The following TDRD3 variants were observed in gnomAD, a reference collection of about 807,000 sequenced individuals.
TDRD3 encodes the protein tudor domain-containing protein 3.
Under a neutral mutation model 86.7 loss-of-function variants are expected in TDRD3, and 45 were observed. That is an observed-to-expected ratio of 0.52 (90% CI 0.41 to 0.67). The LOEUF is 0.67. Among genes scored for constraint, TDRD3 ranks in the 30% least tolerant of loss-of-function variants. The pLI is 0.00. For missense variants in TDRD3, 814 were observed against 889.0 expected (o/e 0.92, Z 1.07); for synonymous variants, 298 against 301.7 (o/e 0.99, Z 0.13).
intron 12 of TDRD3, among the ~76,000 whole-genome samples, chr13:60,550,713 T>C (rs915874310): frequency 3.3e-5 from 5 of 152,148 alleles, no homozygotes; most frequent in Admixed American, 2.0e-4. Flanking sequence ...TTTCGCATTT[T>C]GTGTTAGGTT....
chr13:60,572,947 A>AT (rs747402827), intron 13 of TDRD3, among the ~76,000 whole-genome samples: 3 of 152,084 alleles, frequency 2.0e-5, no homozygotes, highest in Non-Finnish European at 4.4e-5. Context: ...GACGCTCTGT[A>AT]TTTTCTAAGC....
At chr13:60,527,537 T>G (rs904952220) in intron 10 of TDRD3, among the ~76,000 whole-genome samples, 1 of 152,206 alleles carries the variant, frequency 6.6e-6, no homozygotes, top group African/African-American at 2.4e-5. Flanking sequence ...GGTAATCATG[T>G]TATAGACATG....
chr13:60,552,144 C>T (rs985357981), intron 12 of TDRD3, among the ~76,000 whole-genome samples: 7 of 152,148 alleles, frequency 4.6e-5, no homozygotes, highest in East Asian at 1.9e-4. Context: ...AATTCCAAGT[C>T]GAAAGTCTCA....
rs568500236 is a variant in TDRD3 at position 60,486,019 on chromosome 13, T to C, written c.717+71T>C. ...CTATTTAGATTATTTGTGATCGTTA[T>C]TGTCTTTTCATATAAGCTAACTAAT... On this transcript the variant is annotated intron_variant, in intron 7 of 13. Coordinates refer to ENST00000377881, the MANE Select transcript of TDRD3 (RefSeq NM_001146070.2). 18 of 1,432,498 alleles carry C rather than the reference T, an allele frequency of 1.3e-5. No homozygotes were observed. The South Asian group carries it at 2.0e-4, about 16-fold the overall frequency. 88.7% of individuals were successfully genotyped at this position (1,432,498 alleles called of 1,614,324 possible). A position where few individuals can be genotyped will look rare whatever the true frequency, so the allele number is the denominator to read the frequency against.
In TDRD3 at chr13:60,573,650, A is replaced by C; in HGVS notation, c.*44A>C. The C allele has an allele frequency of 1.0e-6, 1 of 985,380 alleles. No individual in the cohort carries two copies. The highest frequency in any genetic ancestry group is 1.2e-6 in the Non-Finnish European group (1 of 829,870). The allele number at this position is 985,380 out of a possible 1,614,324, so 61.0% of individuals were successfully genotyped here. A position where few individuals can be genotyped will look rare whatever the true frequency, so the allele number is the denominator to read the frequency against. The stretch of plus-strand genomic sequence containing the variant: ...GAAGAAACGAGCCAGTGACTGAAAC[A>C]CCCTGGTGGAAACCTGTTGACAGAC... On this transcript the variant is annotated 3_prime_UTR_variant, in exon 14 of 14. Coordinates refer to ENST00000377881, the MANE Select transcript of TDRD3 (RefSeq NM_001146070.2).
In TDRD3 at chr13:60,492,732, G is replaced by C. The variant is rs187818697; in HGVS notation, c.718-1703G>C. On this transcript the variant is annotated intron_variant, in intron 7 of 13. Transcript: ENST00000377881. Reference sequence around the variant, plus strand: ...CCCAAAATTGAATGAATCTAGTAATGAATCCTTGGTAATTGAAGATGTGGT... The same window carrying C: ...CCCAAAATTGAATGAATCTAGTAATCAATCCTTGGTAATTGAAGATGTGGT... Among the ~76,000 whole-genome samples, 9 of 151,940 alleles carry C rather than the reference G, an allele frequency of 5.9e-5. No individual in the cohort carries two copies. The East Asian group carries it at 1.7e-3, about 29-fold the overall frequency.
rs183424388 is a variant in TDRD3, at chr13:60,512,536, A to G, written c.1141+1781A>G. Among the ~76,000 whole-genome samples, 9 of 152,360 alleles carry G rather than the reference A, an allele frequency of 5.9e-5. No individual in the cohort carries two copies. The East Asian group carries it at 1.7e-3, about 29-fold the overall frequency. On this transcript the variant is annotated intron_variant, in intron 10 of 13. Transcript: ENST00000377881. ...AAATCTCTTCTGCCTAAGAGCCTGA[A>G]AAATCAAAAGCAAGTTAGTTACTTC...
intron 12 of TDRD3, chr13:60,547,265 CTG>C (rs1448242252): frequency 2.0e-6 from 2 of 985,302 alleles, no homozygotes; most frequent in East Asian, 1.1e-4. Flanking sequence ...TTTTCAGACA[CTG>C]TGCTTTATCC....
At chr13:60,535,731 A>C (rs1305855466) in intron 12 of TDRD3, 3 of 152,198 alleles carry the variant, frequency 2.0e-5, no homozygotes, top group Non-Finnish European at 4.4e-5. Context: ...ATTAACTATA[A>C]ATTATCTGTT....
chr13:60,555,848 C>T (rs561704405), intron 12 of TDRD3, among the ~76,000 whole-genome samples: 14 of 136,104 alleles, frequency 1.0e-4, no homozygotes, highest in East Asian at 2.1e-4. Flanking sequence ...CAACCTATTT[C>T]TTTCTTTTTT....
intron 1 of TDRD3, among the ~76,000 whole-genome samples, chr13:60,429,270 G>A (rs149547563): frequency 0.045 from 6,842 of 152,056 alleles, 213 homozygotes; most frequent in Non-Finnish European, 0.064. Flanking sequence ...GAATCGTTAT[G>A]CTATTAGATT....
chr13:60,494,967 T>C (rs954943085), intron 8 of TDRD3, among the ~76,000 whole-genome samples: 1 of 152,218 alleles, frequency 6.6e-6, no homozygotes, highest in African/African-American at 2.4e-5. Context: ...AACAAGCATA[T>C]GTATTATGTG....
intron 5 of TDRD3, among the ~76,000 whole-genome samples, chr13:60,480,935 T>G (rs760592971): frequency 6.6e-6 from 1 of 151,626 alleles, no homozygotes; most frequent in South Asian, 2.1e-4. Flanking sequence ...CTGGTATTGG[T>G]AGTTGGGTTG....
chr13:60,493,733 A>G (rs1027546134), intron 7 of TDRD3, among the ~76,000 whole-genome samples: 42 of 152,348 alleles, frequency 2.8e-4, no homozygotes, highest in African/African-American at 9.9e-4. Context: ...ACAACTGGCG[A>G]TGCTTTTCAG....
In TDRD3 at chr13:60,528,581, A is replaced by G; in HGVS notation, c.1356A>G (p.Glu452=). The G allele has an allele frequency of 6.2e-7, 1 of 1,614,086 alleles. No individual in the cohort carries two copies. Among genetic ancestry groups the G allele is most frequent in the Non-Finnish European group, 8.5e-7 (1 of 1,179,968 alleles). The change falls in exon 11 of 14, where the codon GAA becomes GAG. Residue 452 remains glutamate (E), a synonymous_variant. Transcript: ENST00000377881. The stretch of plus-strand genomic sequence containing the variant: ...GATTACCTAGAAATAGAGGTTCTGA[A>G]AGACCAAGTACTTCTTCAGTATCTG... ...GSGLPRNRGS[E]RPSTSSVSEV... is the part of the protein sequence containing the mutation.
chr13:60,472,415 G>A (rs1435236749), intron 5 of TDRD3, among the ~76,000 whole-genome samples: 1 of 152,148 alleles, frequency 6.6e-6, no homozygotes, highest in African/African-American at 2.4e-5. Flanking sequence ...TAATCAAAAT[G>A]TAAATCAAAT....
chr13:60,459,097 A>G (rs950662189), intron 3 of TDRD3, among the ~76,000 whole-genome samples: 1 of 152,214 alleles, frequency 6.6e-6, no homozygotes, highest in African/African-American at 2.4e-5. Flanking sequence ...TAAATTTATA[A>G]TAACAAAATT....
chr13:60,462,222 G>T (rs890895801), intron 4 of TDRD3, among the ~76,000 whole-genome samples: 1 of 152,212 alleles, frequency 6.6e-6, no homozygotes, highest in Non-Finnish European at 1.5e-5. Flanking sequence ...GGAGCTCACA[G>T]ATGACTGAGA....
At chr13:60,455,516 TTTTGGAAGTAG>T (rs1276877657) in intron 3 of TDRD3, among the ~76,000 whole-genome samples, 2 of 152,208 alleles carry the variant, frequency 1.3e-5, no homozygotes, top group Admixed American at 6.5e-5. Flanking sequence ...CTGGAAATGC[TTTTGGAAGTAG>T]TGATGGGGTA....
Sources: gnomAD v4.1 joint callset for allele counts (sites outside exome capture counted in the v4.1 genomes callset) on GRCh38, gnomAD v4.1.1 for gene constraint, MANE v1.5 for transcripts, NCBI Gene and HGNC (gene_info 2026-07-23, HGNC 2026-07-21) for gene names.